Variants in AGBL4 observed in about 807,000 individuals in gnomAD.
AGBL4 encodes the protein cytosolic carboxypeptidase 6.
AGBL4 carries 58 observed loss-of-function variants against 66.4 expected under a neutral mutation model. The observed-to-expected ratio is 0.87, with a 90% CI of 0.71 to 1.09. The LOEUF is 1.09. AGBL4 is among the 50% of genes least tolerant of loss of function. The pLI is 0.00. For synonymous variants in AGBL4, 234 were observed against 222.9 expected (o/e 1.05, Z -0.44); for missense variants, 579 against 631.0 (o/e 0.92, Z 0.88).
intron 6 of AGBL4, among the ~76,000 whole-genome samples, chr1:48,765,623 T>A (rs1186016785): frequency 1.3e-5 from 2 of 152,066 alleles, no homozygotes; most frequent in African/African-American, 2.4e-5. Flanking sequence ...CAAATGTTCA[T>A]AACAGCATTA....
chr1:49,580,796 A>G (rs1644527633), intron 3 of AGBL4, among the ~76,000 whole-genome samples: 1 of 152,096 alleles, frequency 6.6e-6, no homozygotes, highest in African/African-American at 2.4e-5. Flanking sequence ...TTTAGAATTC[A>G]TTCTTTCACT....
At chr1:49,822,119 A>AT (rs1438888352) in intron 2 of AGBL4, among the ~76,000 whole-genome samples, 1 of 152,152 alleles carries the variant, frequency 6.6e-6, no homozygotes, top group Non-Finnish European at 1.5e-5. Context: ...ATTCTGTGTA[A>AT]TATTTTCTTT....
chr1:49,541,366 G>A (rs564253138), intron 3 of AGBL4, among the ~76,000 whole-genome samples: 37 of 152,236 alleles, frequency 2.4e-4, no homozygotes, highest in Non-Finnish European at 3.5e-4. Context: ...AGCTGCGGGC[G>A]GTCCTTGTGG....
At chr1:48,753,094 C>G (rs1332367589) in intron 6 of AGBL4, among the ~76,000 whole-genome samples, 1 of 152,210 alleles carries the variant, frequency 6.6e-6, no homozygotes, top group Non-Finnish European at 1.5e-5. Context: ...ATCATTCACT[C>G]TCTTGTACAG....
chr1:49,542,587 T>C (rs1652134571), intron 3 of AGBL4, among the ~76,000 whole-genome samples: 1 of 152,114 alleles, frequency 6.6e-6, no homozygotes, highest in African/African-American at 2.4e-5. Flanking sequence ...AATCTAAAGC[T>C]AATGTTACTT....
intron 2 of AGBL4, among the ~76,000 whole-genome samples, chr1:49,779,480 T>A: frequency 6.6e-6 from 1 of 152,088 alleles, no homozygotes; most frequent in East Asian, 1.9e-4. Context: ...GGTTCCTGCC[T>A]TTCTGTAGAG....
chr1:48,954,528 A>G (rs1657271522), intron 5 of AGBL4, among the ~76,000 whole-genome samples: 1 of 152,210 alleles, frequency 6.6e-6, no homozygotes, highest in South Asian at 2.1e-4. Context: ...TTTGCCTTAA[A>G]GGTTGTTAAG....
intron 1 of AGBL4, among the ~76,000 whole-genome samples, chr1:49,943,415 A>C (rs960393897): frequency 3.9e-5 from 6 of 152,150 alleles, no homozygotes; most frequent in African/African-American, 1.4e-4. Context: ...AAGGAAGCGG[A>C]TTGCTCCTGC....
chr1:50,005,517 C>T (rs1168466410), intron 1 of AGBL4, among the ~76,000 whole-genome samples: 1 of 152,080 alleles, frequency 6.6e-6, no homozygotes, highest in African/African-American at 2.4e-5. Flanking sequence ...ACCTGGAAAA[C>T]CTTTCAAAGA....
intron 4 of AGBL4, among the ~76,000 whole-genome samples, chr1:49,118,093 T>G (rs1161836233): frequency 6.6e-6 from 1 of 152,240 alleles, no homozygotes. Flanking sequence ...CTGAAGTTGC[T>G]TATCAGCTTA....
chr1:49,483,064 C>T (rs1376186050), intron 3 of AGBL4, among the ~76,000 whole-genome samples: 1 of 151,856 alleles, frequency 6.6e-6, no homozygotes. Flanking sequence ...GAGTAAGTGC[C>T]ATGTGGAAAT....
intron 5 of AGBL4, among the ~76,000 whole-genome samples, chr1:48,867,439 G>A (rs142051047): frequency 9.3e-5 from 14 of 150,908 alleles, no homozygotes; most frequent in Admixed American, 4.6e-4. Context: ...CTTTGGAAGC[G>A]TAGGTGGTTA....
At chr1:49,515,131 C>G (rs1570926912) in intron 3 of AGBL4, among the ~76,000 whole-genome samples, 1 of 152,200 alleles carries the variant, frequency 6.6e-6, no homozygotes, top group East Asian at 1.9e-4. Context: ...TTTTTGCAAT[C>G]TACTCATCTG....
At chr1:49,671,785 T>A (rs1646480805) in intron 3 of AGBL4, among the ~76,000 whole-genome samples, 1 of 152,144 alleles carries the variant, frequency 6.6e-6, no homozygotes, top group Non-Finnish European at 1.5e-5. Context: ...CACAATGAGA[T>A]ACCATCTCAT....
At chr1:49,770,982 T>A (rs1008638673) in intron 2 of AGBL4, among the ~76,000 whole-genome samples, 22 of 151,924 alleles carry the variant, frequency 1.4e-4, no homozygotes, top group Admixed American at 1.2e-3. Context: ...GATTTTTAAA[T>A]TTTTTTTAGT....
chr1:49,559,862 T>C (rs1305490), intron 3 of AGBL4, among the ~76,000 whole-genome samples: 124,016 of 152,110 alleles, frequency 0.82, 51,299 homozygotes, highest in African/African-American at 0.94. Flanking sequence ...GAAATTGTAC[T>C]TTGTGATAGT....
intron 9 of AGBL4, among the ~76,000 whole-genome samples, chr1:48,616,619 T>C (rs757046934): frequency 6.6e-6 from 1 of 152,222 alleles, no homozygotes; most frequent in African/African-American, 2.4e-5. Context: ...AAAATAAGAC[T>C]ACTTTGATAA....
At chr1:49,363,963 G>C (rs1176911538) in intron 3 of AGBL4, among the ~76,000 whole-genome samples, 1 of 152,198 alleles carries the variant, frequency 6.6e-6, no homozygotes, top group African/African-American at 2.4e-5. Flanking sequence ...TGGATATAAA[G>C]AGATAGACTC....
chr1:49,931,524 A>G lies in AGBL4; in HGVS notation c.35-80006T>C, dbSNP rs559838546. On this transcript the variant is annotated intron_variant, in intron 1 of 13. Transcript: ENST00000371839. ...GGAAGTGCCAGACACTTATCAAACA[A>G]CCACATCTCATGAGAACTTACTATC... 9.9e-5 allele frequency among the ~76,000 whole-genome samples: 15 copies of G among 152,196 alleles called. No homozygotes were observed. In the South Asian group the frequency reaches 3.1e-3, roughly 32 times the overall value.
Sources: gnomAD v4.1 joint callset for allele counts (sites outside exome capture counted in the v4.1 genomes callset) on GRCh38, gnomAD v4.1.1 for gene constraint, MANE v1.5 for transcripts, NCBI Gene and HGNC (gene_info 2026-07-23, HGNC 2026-07-21) for gene names.